TRHDE: variants seen among roughly 807,000 people sequenced by gnomAD.
TRHDE encodes thyrotropin-releasing hormone-degrading ectoenzyme.
TRHDE carries 72 observed loss-of-function variants against 125.7 expected under a neutral mutation model. The observed-to-expected ratio is 0.57, with a 90% CI of 0.47 to 0.70. TRHDE has a LOEUF of 0.70. Ranked by LOEUF, TRHDE falls within the 30% of genes least tolerant of loss-of-function variation. TRHDE has a pLI of 0.00. For missense variants in TRHDE, 1,110 were observed against 1,327.1 expected, an observed-to-expected ratio of 0.84 and a Z score of 2.54; for synonymous variants, 509 against 509.1, an observed-to-expected ratio of 1.00 and a Z score of 0.00.
intron 1 of TRHDE, among the ~76,000 whole-genome samples, chr12:72,101,824 T>C (rs1219107500): frequency 6.6e-6 from 1 of 152,220 alleles, no homozygotes; most frequent in African/African-American, 2.4e-5. Flanking sequence ...GAGAAAAACA[T>C]GAATTTGAAA....
Position 72,363,195 on chromosome 12 carries a change from G to A in TRHDE, c.1189-14800G>A, listed in dbSNP as rs145410226. Among the ~76,000 whole-genome samples the A allele has an allele frequency of 1.3e-4, 19 of 151,860 alleles. No homozygotes were observed. In the South Asian group the frequency reaches 3.1e-3, roughly 25 times the overall value. Reference sequence around the variant, plus strand: ...CACAGCCGAATTCTACCAGAGGTACGAGGAGGAACTGGTACCATTCCTTCT... The same window carrying A: ...CACAGCCGAATTCTACCAGAGGTACAAGGAGGAACTGGTACCATTCCTTCT... On this transcript the variant is annotated intron_variant, in intron 2 of 18. Coordinates refer to ENST00000261180, the MANE Select transcript of TRHDE (RefSeq NM_013381.3).
chr12:72,518,168 G>T lies in TRHDE; in HGVS notation c.1722+18533G>T, dbSNP rs566601998. 1.7e-3 allele frequency among the ~76,000 whole-genome samples: 252 copies of T among 150,812 alleles called. 2 individuals are homozygous for T. Among genetic ancestry groups the T allele is most frequent in the African/African-American group, 6.1e-3 (247 of 40,598 alleles). ...TGTAGATGTCTATTAGGTCTGCTTG[G>T]TGCAGAGCTGAGTTCAATTCCTGGG... On this transcript the variant is annotated intron_variant, in intron 6 of 18. Transcript: ENST00000261180.
chr12:72,310,089 C>T (rs1868469193), intron 2 of TRHDE, among the ~76,000 whole-genome samples: 1 of 152,164 alleles, frequency 6.6e-6, no homozygotes, highest in Non-Finnish European at 1.5e-5. Context: ...TGCTATGACA[C>T]ACCATAGTTC....
chr12:72,281,538 G>T (rs1010048907), intron 1 of TRHDE, among the ~76,000 whole-genome samples: 5 of 152,106 alleles, frequency 3.3e-5, no homozygotes, highest in Non-Finnish European at 7.4e-5. Flanking sequence ...ATAGAAGTAG[G>T]TTCAAAATCA....
chr12:72,133,417 G>A (rs1354161512), intron 2 of TRHDE, among the ~76,000 whole-genome samples: 4 of 152,158 alleles, frequency 2.6e-5, no homozygotes, highest in South Asian at 2.1e-4. Flanking sequence ...GTAGAAGAGG[G>A]AGAGATTACA....
chr12:72,620,026 C>A (rs11179285), intron 13 of TRHDE, among the ~76,000 whole-genome samples: 8,463 of 151,740 alleles, frequency 0.056, 305 homozygotes, highest in Middle Eastern at 0.11. Context: ...TTTGTCTAAG[C>A]CCTTAGAACA....
chr12:72,544,391 G>A (rs912796896), intron 7 of TRHDE, among the ~76,000 whole-genome samples: 22 of 151,476 alleles, frequency 1.5e-4, no homozygotes, highest in African/African-American at 5.3e-4. Context: ...AGCTAATCTA[G>A]GCTGTCAGCA....
intron 5 of TRHDE, among the ~76,000 whole-genome samples, chr12:72,496,524 G>A (rs1054493203): frequency 6.6e-6 from 1 of 152,102 alleles, no homozygotes; most frequent in African/African-American, 2.4e-5. Flanking sequence ...GTAGGAAATA[G>A]CCCCCATGAT....
intron 2 of TRHDE, 43 bp from the exon 3 acceptor site, chr12:72,377,952 G>A (rs1565719238): frequency 7.1e-7 from 1 of 1,407,644 alleles, no homozygotes; most frequent in Non-Finnish European, 9.5e-7. Context: ...TAAAACTCAA[G>A]TGCTAAAAGG....
At chr12:72,662,995 G>A (rs1478722039) in intron 18 of TRHDE, 57 bp from the exon 19 acceptor site, 7 of 1,510,922 alleles carry the variant, frequency 4.6e-6, no homozygotes, top group Non-Finnish European at 5.4e-6. Context: ...CATGTTTGTT[G>A]GACATGAGTT....
chr12:72,138,786 A>T (rs1161217972), intron 2 of TRHDE, among the ~76,000 whole-genome samples: 1 of 152,206 alleles, frequency 6.6e-6, no homozygotes, highest in Non-Finnish European at 1.5e-5. Context: ...GGCAGAAGTG[A>T]CACTCATCAG....
chr12:72,515,657 T>G (rs1196548633), intron 6 of TRHDE, among the ~76,000 whole-genome samples: 1 of 152,068 alleles, frequency 6.6e-6, no homozygotes, highest in South Asian at 2.1e-4. Context: ...TAGATCCCAT[T>G]TGTCAATTTT....
At chr12:72,625,067 G>GA (rs1448825183) in intron 15 of TRHDE, among the ~76,000 whole-genome samples, 4 of 151,302 alleles carry the variant, frequency 2.6e-5, no homozygotes, top group Non-Finnish European at 4.4e-5. Context: ...TCACTGAGTA[G>GA]AAAAAAAATA....
chr12:72,093,552 A>T (rs1474824681), intron 1 of TRHDE, among the ~76,000 whole-genome samples: 1 of 151,950 alleles, frequency 6.6e-6, no homozygotes, highest in Admixed American at 6.6e-5. Flanking sequence ...GCTAATTCCA[A>T]ATTACCTGTT....
At chr12:72,521,649 A>C (rs1879199583) in intron 6 of TRHDE, among the ~76,000 whole-genome samples, 1 of 152,208 alleles carries the variant, frequency 6.6e-6, no homozygotes, top group East Asian at 1.9e-4. Context: ...TAAGTACTAT[A>C]AGCCCAAGTA....
intron 12 of TRHDE, among the ~76,000 whole-genome samples, chr12:72,616,704 CAA>C (rs1197235925): frequency 1.3e-5 from 2 of 151,982 alleles, no homozygotes; most frequent in Non-Finnish European, 2.9e-5. Context: ...AGCAACTTTC[CAA>C]AGTTATTTGA....
chr12:72,221,124 T>C (rs2139367951), intron 2 of TRHDE, among the ~76,000 whole-genome samples: 1 of 152,124 alleles, frequency 6.6e-6, no homozygotes, highest in South Asian at 2.1e-4. Context: ...ACTGAAAAGC[T>C]TTAGGAAGAT....
At chr12:72,121,667 G>A (rs1221915448) in intron 2 of TRHDE, among the ~76,000 whole-genome samples, 1 of 149,162 alleles carries the variant, frequency 6.7e-6, no homozygotes, top group African/African-American at 2.5e-5. Context: ...GTGATATGAT[G>A]TTAAACTGGG....
chr12:72,436,059 A>G (rs776775113), intron 3 of TRHDE, among the ~76,000 whole-genome samples: 3 of 152,110 alleles, frequency 2.0e-5, no homozygotes, highest in South Asian at 4.1e-4. Flanking sequence ...AGGGTCATGT[A>G]TCTGTCCTTA....
Sources: allele counts gnomAD v4.1 joint callset (sites outside exome capture counted in the v4.1 genomes callset), GRCh38; gene constraint gnomAD v4.1.1; transcripts MANE v1.5; gene names NCBI Gene and HGNC (gene_info 2026-07-23, HGNC 2026-07-21).